Variants in ALDH4A1 observed in about 807,000 individuals in gnomAD.
The protein encoded by ALDH4A1 is delta-1-pyrroline-5-carboxylate dehydrogenase, mitochondrial.
Under a neutral mutation model 70.5 loss-of-function variants are expected in ALDH4A1, and 46 were observed. That is an observed-to-expected ratio of 0.65 (90% CI 0.51 to 0.83). The LOEUF is 0.83. Among genes scored for constraint, ALDH4A1 ranks in the 40% least tolerant of loss-of-function variants. The probability of loss-of-function intolerance (pLI) is 0.00; values close to 1 mark genes in which losing one functional copy is unlikely to be tolerated. For missense variants in ALDH4A1, 749 were observed against 766.5 expected (o/e 0.98, Z 0.27); for synonymous variants, 323 against 324.3 (o/e 1.00, Z 0.04).
rs1934490241 is a variant in ALDH4A1 at position 18,872,709 on chromosome 1, TAAG to T, written c.*133_*135del. 1 of 697,474 alleles carries T rather than the reference TAAG, an allele frequency of 1.4e-6. No individual in the cohort carries two copies. Among genetic ancestry groups the T allele is most frequent in the African/African-American group, 1.8e-5 (1 of 56,516 alleles). The allele number at this position is 697,474 out of a possible 1,614,324, so 43.2% of individuals were successfully genotyped here. A position where few individuals can be genotyped will look rare whatever the true frequency, so the allele number is the denominator to read the frequency against. On this transcript the variant is annotated 3_prime_UTR_variant, in exon 15 of 15. Coordinates refer to ENST00000375341, the MANE Select transcript of ALDH4A1 (RefSeq NM_003748.4). Reference sequence around the variant, plus strand: ...CATGGGAGAGGCCAGAATACAGTGGTAAGAAGGGAGTCAAGCCCGGATTATAGA... The same window carrying T: ...CATGGGAGAGGCCAGAATACAGTGGTAAGGGAGTCAAGCCCGGATTATAGA...
Position 18,872,749 on chromosome 1 carries a change from G to A in ALDH4A1, c.*96C>T. 3.4e-6 allele frequency: 3 copies of A among 870,746 alleles called. No individual in the cohort carries two copies. The highest frequency in any genetic ancestry group is 3.8e-5 in the Admixed American group (2 of 53,220). 53.9% of individuals were successfully genotyped at this position (870,746 alleles called of 1,614,324 possible). ...GCCCGGATTATAGAAAGGCAGCTGT[G>A]CATGAAGAAGGGGTGGAGGGGCTGG... On this transcript the variant is annotated 3_prime_UTR_variant, in exon 15 of 15. Transcript: ENST00000375341.
At chr1:18,893,369 C>G (rs903301707) in intron 1 of ALDH4A1, among the ~76,000 whole-genome samples, 2 of 152,184 alleles carry the variant, frequency 1.3e-5, no homozygotes, top group African/African-American at 4.8e-5. Flanking sequence ...AATATGGGAC[C>G]TGAGTCATGC....
chr1:18,873,707 T>C (rs1934546227), intron 14 of ALDH4A1, among the ~76,000 whole-genome samples: 1 of 152,214 alleles, frequency 6.6e-6, no homozygotes, highest in Non-Finnish European at 1.5e-5. Flanking sequence ...CCTTCCAGTC[T>C]TTGCCCTATG....
At position 18,872,843 on chromosome 1, in the gene ALDH4A1, G is replaced by A. The variant is rs763139251; in HGVS notation, c.*2C>T. ...AGCTGGACGGTGGAGCCCGAGAGGGGCTCACTGCATGTACGCGTAGCTCCA... is the reference window on the plus strand; with the variant it reads ...AGCTGGACGGTGGAGCCCGAGAGGGACTCACTGCATGTACGCGTAGCTCCA... On this transcript the variant is annotated 3_prime_UTR_variant, in exon 15 of 15. Coordinates refer to ENST00000375341, the MANE Select transcript of ALDH4A1 (RefSeq NM_003748.4). 2 of 1,611,988 alleles carry A rather than the reference G, an allele frequency of 1.2e-6. No individual in the cohort carries two copies. Among genetic ancestry groups the A allele is most frequent in the African/African-American group, 2.7e-5 (2 of 74,902 alleles).
At position 18,874,565 on chromosome 1, in the gene ALDH4A1, C is replaced by T. The variant is rs768771214; in HGVS notation, c.1477G>A (p.Ala493Thr). 20 of 1,614,082 alleles carry T rather than the reference C, an allele frequency of 1.2e-5. No individual in the cohort carries two copies. Among genetic ancestry groups the T allele is most frequent in the Non-Finnish European group, 1.7e-5 (20 of 1,180,030 alleles). The change falls in exon 14 of 15, where the codon GCC (alanine) becomes ACC (threonine). Residue 493 changes from alanine to threonine, a missense_variant. Transcript: ENST00000375341. ...GCAGCATTCCTCAGCACCTTTGTGG[C>T]CTCCTGCACGACGTCCCTACAAAGC... Reference protein sequence around the residue: ...FSQDKDVVQEATKVLRNAAGN... With the variant: ...FSQDKDVVQETTKVLRNAAGN...
chr1:18,888,130 G>A (rs9426646), intron 3 of ALDH4A1, among the ~76,000 whole-genome samples: 3,998 of 152,288 alleles, frequency 0.026, 171 homozygotes, highest in African/African-American at 0.091. Context: ...GCTCATGGCC[G>A]CTGGAACGGA....
In ALDH4A1 at chr1:18,881,813, C is replaced by T. The variant is rs1443958377; in HGVS notation, c.753G>A (p.Glu251=). ...GGATGATGTTGGGGGGCAGGCCAGC[C>T]TCCCGAAGGATGCGGTAGACAGCAT... is the stretch of plus-strand genomic sequence containing the variant. ...ASYAVYRILR[E]AGLPPNIIQF... is the part of the protein sequence containing the mutation. The change falls in exon 8 of 15, where the codon GAG becomes GAA. Residue 251 remains glutamate (E), a synonymous_variant. Coordinates refer to ENST00000375341, the MANE Select transcript of ALDH4A1 (RefSeq NM_003748.4). 6.2e-7 allele frequency: 1 copy of T among 1,613,964 alleles called. No individual in the cohort carries two copies. The highest frequency in any genetic ancestry group is 2.2e-5 in the East Asian group (1 of 44,888).
At chr1:18,886,633 C>G in intron 3 of ALDH4A1, 122 bp from the exon 4 acceptor site, 1 of 1,078,414 alleles carries the variant, frequency 9.3e-7, no homozygotes, top group Non-Finnish European at 1.4e-6. Flanking sequence ...TCCCCCCTCC[C>G]CCGCTCCCAT....
At chr1:18,885,921 C>A (rs1935185098) in intron 4 of ALDH4A1, among the ~76,000 whole-genome samples, 1 of 152,216 alleles carries the variant, frequency 6.6e-6, no homozygotes, top group Non-Finnish European at 1.5e-5. Context: ...ATGGTCTAAT[C>A]AAAACCTTAC....
In ALDH4A1 at chr1:18,872,520, A is replaced by G. The variant is rs1557606838; in HGVS notation, c.*325T>C. 4.3e-6 allele frequency: 1 copy of G among 231,248 alleles called. No homozygotes were observed. The highest frequency in any genetic ancestry group is 8.5e-6 in the Non-Finnish European group (1 of 117,388). The allele number at this position is 231,248 out of a possible 1,614,324, so 14.3% of individuals were successfully genotyped here. On this transcript the variant is annotated 3_prime_UTR_variant, in exon 15 of 15. Transcript: ENST00000375341. The stretch of plus-strand genomic sequence containing the variant: ...GGCCTCCTTTTCCCCAAAGGATCCC[A>G]AGAGCTGCTCCATCTCCTTTCCCCA...
In ALDH4A1 at chr1:18,874,468, G is replaced by T. The variant is rs777628556; in HGVS notation, c.1574C>A (p.Ala525Asp). The T allele has an allele frequency of 1.2e-6, 2 of 1,613,922 alleles. No individual in the cohort carries two copies. Among genetic ancestry groups the T allele is most frequent in the Admixed American group, 3.3e-5 (2 of 60,030 alleles). ...VGQQPFGGAR[A>D]SGTNDKPGGP... ...GGGAAGGGGGACCCACTCACCAGAG[G>T]CTCGGGCCCCCCCAAAGGGCTGCTG... Residue 525 changes from alanine to aspartate, a missense_variant, in exon 14 of 15, where the codon GCC becomes GAC. Coordinates refer to ENST00000375341, the MANE Select transcript of ALDH4A1 (RefSeq NM_003748.4).
rs1001063558 is a variant in ALDH4A1 at position 18,901,763 on chromosome 1, T to A, written c.62+699A>T. On this transcript the variant is annotated intron_variant, in intron 1 of 14. Transcript: ENST00000375341. ...AATAATAATAACCGGGCGCTGCCTT[T>A]GTGCTGGGCACTGTTCAGTGCACTC... Among the ~76,000 whole-genome samples the A allele has an allele frequency of 6.6e-4, 100 of 152,146 alleles. 1 individual carries two copies. Among genetic ancestry groups the A allele is most frequent in the Non-Finnish European group, 1.4e-3 (98 of 68,032 alleles).
chr1:18,894,885 T>G lies in ALDH4A1; in HGVS notation c.63-4780A>C, dbSNP rs1293438050. On this transcript the variant is annotated intron_variant, in intron 1 of 14. Transcript: ENST00000375341. ...TCTTTCTTTTTTTTTTTTTTTTTTT[T>G]TGGTTCATGAACAATTTTGGGCTAA... 7.3e-4 allele frequency among the ~76,000 whole-genome samples: 107 copies of G among 147,334 alleles called. 1 individual carries two copies. The East Asian group carries it at 0.012, about 17-fold the overall frequency.
At chr1:18,896,104 C>T (rs1432954165) in intron 1 of ALDH4A1, among the ~76,000 whole-genome samples, 1 of 152,152 alleles carries the variant, frequency 6.6e-6, no homozygotes, top group African/African-American at 2.4e-5. Flanking sequence ...CGGAATGGGG[C>T]TCCTATCGGA....
Position 18,878,312 on chromosome 1 carries a change from C to T in ALDH4A1, c.941-700G>A, listed in dbSNP as rs148343202. On this transcript the variant is annotated intron_variant, in intron 9 of 14. Transcript: ENST00000375341. ...AGGCACAGAGAGATGAAGTCACCTGCTCCAGGTTGGAAAGTGGTAACCAGC... is the reference window on the plus strand; with the variant it reads ...AGGCACAGAGAGATGAAGTCACCTGTTCCAGGTTGGAAAGTGGTAACCAGC... Among the ~76,000 whole-genome samples the T allele has an allele frequency of 5.4e-3, 828 of 152,342 alleles. 9 individuals are homozygous for T. Among genetic ancestry groups the T allele is most frequent in the African/African-American group, 0.019 (802 of 41,574 alleles).
At chr1:18,883,580 G>T in intron 5 of ALDH4A1, 152 bp from the exon 6 acceptor site, 1 of 1,124,052 alleles carries the variant, frequency 8.9e-7, no homozygotes, top group Non-Finnish European at 1.3e-6. Flanking sequence ...CATCCCAGGG[G>T]CTGAGGGGGA....
chr1:18,885,044 C>T (rs150065804), intron 5 of ALDH4A1, among the ~76,000 whole-genome samples: 1 of 152,004 alleles, frequency 6.6e-6, no homozygotes, highest in Non-Finnish European at 1.5e-5. Context: ...GTATGGGGCT[C>T]AGGTCTTGGG....
intron 3 of ALDH4A1, among the ~76,000 whole-genome samples, chr1:18,888,061 T>C (rs1935286617): frequency 6.6e-6 from 1 of 152,212 alleles, no homozygotes; most frequent in South Asian, 2.1e-4. Context: ...ATTGGAGCTT[T>C]CCTGTCTAAA....
At position 18,872,957 on chromosome 1, in the gene ALDH4A1, C is replaced by T. The variant is rs1454852714; in HGVS notation, c.1580G>A (p.Gly527Glu). The T allele has an allele frequency of 1.9e-6, 3 of 1,613,592 alleles. No homozygotes were observed. Among genetic ancestry groups the T allele is most frequent in the South Asian group, 2.2e-5 (2 of 91,070 alleles). ...QQPFGGARAS[G>E]TNDKPGGPHY... is the part of the protein sequence containing the mutation. The stretch of plus-strand genomic sequence containing the variant: ...TGGGCCCCCTGGCTTGTCATTGGTT[C>T]CTGCGGAAAAGACACTTCTGTTTTT... Residue 527 changes from glycine (G) to glutamate (E), a missense_variant and splice_region_variant, in exon 15 of 15, where the codon GGA becomes GAA. By Grantham distance (98) the Gly-to-Glu change is moderately conservative (BLOSUM62 -2). Transcript: ENST00000375341.
Sources: gnomAD v4.1 joint callset for allele counts (sites outside exome capture counted in the v4.1 genomes callset) on GRCh38, gnomAD v4.1.1 for gene constraint, MANE v1.5 for transcripts, NCBI Gene and HGNC (gene_info 2026-07-23, HGNC 2026-07-21) for gene names.